Variants in CDH23 observed in about 807,000 individuals in gnomAD.
The protein encoded by CDH23 is cadherin related 23, also known as cadherin-23.
CDH23 carries 189 observed loss-of-function variants against 317.1 expected under a neutral mutation model. The observed-to-expected ratio is 0.60, with a 90% confidence interval of 0.53 to 0.67. CDH23 has a LOEUF of 0.67. CDH23 is among the 30% of genes least tolerant of loss of function. CDH23 has a pLI of 0.00. For synonymous variants in CDH23, 1,839 were observed against 1,876.8 expected, an observed-to-expected ratio of 0.98 and a Z score of 0.52; for missense variants, 4,401 against 4,592.4, an observed-to-expected ratio of 0.96 and a Z score of 1.20.
At chr10:71,488,777 C>T (rs1001352988) in intron 3 of CDH23, among the ~76,000 whole-genome samples, 7 of 152,220 alleles carry the variant, frequency 4.6e-5, no homozygotes, top group Non-Finnish European at 1.0e-4. Context: ...CTACTTATCC[C>T]TAGTGGCATT....
chr10:71,439,480 AGC>A (rs1240955618), intron 1 of CDH23, among the ~76,000 whole-genome samples: 1 of 152,090 alleles, frequency 6.6e-6, no homozygotes, highest in African/African-American at 2.4e-5. Flanking sequence ...TGAAGGCAGC[AGC>A]CCCTGCCTCC....
At chr10:71,580,459 C>G (rs1390273030) in intron 9 of CDH23, among the ~76,000 whole-genome samples, 1 of 152,218 alleles carries the variant, frequency 6.6e-6, no homozygotes, top group Non-Finnish European at 1.5e-5. Flanking sequence ...CCACTGCCAG[C>G]ACAGATGTGT....
At chr10:71,488,804 T>C (rs1852491286) in intron 3 of CDH23, among the ~76,000 whole-genome samples, 5 of 152,244 alleles carry the variant, frequency 3.3e-5, no homozygotes, top group African/African-American at 1.2e-4. Flanking sequence ...TTAAATAGCC[T>C]GAACATGTCT....
At chr10:71,507,778 G>A (rs969983942) in intron 3 of CDH23, among the ~76,000 whole-genome samples, 1 of 152,174 alleles carries the variant, frequency 6.6e-6, no homozygotes, top group Non-Finnish European at 1.5e-5. Flanking sequence ...TTGTCACCGG[G>A]CAATGCAAAC....
intron 1 of CDH23, among the ~76,000 whole-genome samples, chr10:71,401,816 G>A (rs968551021): frequency 6.6e-6 from 1 of 152,164 alleles, no homozygotes; most frequent in Admixed American, 6.5e-5. Context: ...CATTTCTAAT[G>A]CTTGATCTGA....
At chr10:71,525,408 A>G (rs4747160) in intron 6 of CDH23, among the ~76,000 whole-genome samples, 89,382 of 152,072 alleles carry the variant, frequency 0.59, 26,353 homozygotes, top group East Asian at 0.73. Context: ...CCCAGGCTCT[A>G]CCTGCCTTGC....
intron 14 of CDH23, among the ~76,000 whole-genome samples, chr10:71,655,685 C>T (rs1458693470): frequency 6.6e-6 from 1 of 152,042 alleles, no homozygotes; most frequent in East Asian, 1.9e-4. Context: ...ATGGTGTATG[C>T]AACACAAAGT....
chr10:71,541,022 G>A (rs1855959231), intron 6 of CDH23, among the ~76,000 whole-genome samples: 1 of 151,926 alleles, frequency 6.6e-6, no homozygotes, highest in African/African-American at 2.4e-5. Context: ...TAAGGAGAGG[G>A]CCCCAGATCT....
At chr10:71,455,958 C>T (rs1850675381) in intron 3 of CDH23, among the ~76,000 whole-genome samples, 1 of 152,124 alleles carries the variant, frequency 6.6e-6, no homozygotes, top group African/African-American at 2.4e-5. Flanking sequence ...CTTCGCACAC[C>T]AGCTGCAGAG....
At chr10:71,441,009 A>AT (rs1849850331) in intron 2 of CDH23, among the ~76,000 whole-genome samples, 1 of 151,900 alleles carries the variant, frequency 6.6e-6, no homozygotes, top group Non-Finnish European at 1.5e-5. Context: ...GTTTGAAGGG[A>AT]TCCCTACTGG....
intron 6 of CDH23, among the ~76,000 whole-genome samples, chr10:71,553,160 G>C (rs943407309): frequency 1.3e-5 from 2 of 152,184 alleles, no homozygotes; most frequent in African/African-American, 4.8e-5. Flanking sequence ...GCAGCCAGGG[G>C]TGTGAACCAT....
intron 3 of CDH23, among the ~76,000 whole-genome samples, chr10:71,458,017 GC>G (rs1850782584): frequency 6.6e-6 from 1 of 152,216 alleles, no homozygotes; most frequent in Non-Finnish European, 1.5e-5. Flanking sequence ...TGAGCTTGCA[GC>G]CAACCGAGAA....
chr10:71,812,039 C>G, intron 66 of CDH23, 24 bp downstream of exon 66: 1 of 1,613,962 alleles, frequency 6.2e-7, no homozygotes, highest in Non-Finnish European at 8.5e-7. Flanking sequence ...TGGCCCTGCC[C>G]GGTCCCCTGC....
intron 3 of CDH23, among the ~76,000 whole-genome samples, chr10:71,453,497 G>A (rs1350746352): frequency 6.6e-6 from 1 of 152,238 alleles, no homozygotes; most frequent in African/African-American, 2.4e-5. Flanking sequence ...CAGGAGTGAC[G>A]AGCATAGATG....
At position 71,532,743 on chromosome 10, in the gene CDH23, T is replaced by G. The variant is rs1480190229; in HGVS notation, c.429+21531T>G. On this transcript the variant is annotated intron_variant, in intron 6 of 69. Transcript: ENST00000224721. ...TTTTTTTTTGTTTTTTTTTTTTTTT[T>G]TTTTGAGACGGAGTATCACTCTGTC... Among the ~76,000 whole-genome samples, 201 of 133,880 alleles carry G rather than the reference T, an allele frequency of 1.5e-3. 3 individuals are homozygous for G. The East Asian group carries it at 0.031, about 20-fold the overall frequency. 87.8% of individuals were successfully genotyped at this position (133,880 alleles called of 152,430 possible).
intron 29 of CDH23, 33 bp downstream of exon 29, chr10:71,724,138 C>T (rs1280903807): frequency 2.1e-5 from 33 of 1,550,214 alleles, no homozygotes; most frequent in Non-Finnish European, 2.7e-5. Flanking sequence ...GGGGGGCGGT[C>T]CTCCTGCCCA....
At chr10:71,736,939 G>A (rs1477678161) in intron 34 of CDH23, among the ~76,000 whole-genome samples, 1 of 152,182 alleles carries the variant, frequency 6.6e-6, no homozygotes, top group Non-Finnish European at 1.5e-5. Context: ...CAGAATGCAT[G>A]AGAGTTAACC....
chr10:71,581,447 C>T (rs1289387421), intron 9 of CDH23, among the ~76,000 whole-genome samples: 8 of 152,310 alleles, frequency 5.3e-5, no homozygotes, highest in African/African-American at 1.7e-4. Flanking sequence ...ACAATGGATC[C>T]GTGGCCCACA....
At chr10:71,711,117 C>T (rs1426624367) in intron 27 of CDH23, among the ~76,000 whole-genome samples, 1 of 152,152 alleles carries the variant, frequency 6.6e-6, no homozygotes, top group Non-Finnish European at 1.5e-5. Flanking sequence ...CTCTGCCCTG[C>T]TCTCCTCCCC....
Sources: allele counts gnomAD v4.1 joint callset (sites outside exome capture counted in the v4.1 genomes callset), GRCh38; gene constraint gnomAD v4.1.1; transcripts MANE v1.5; gene names NCBI Gene and HGNC (gene_info 2026-07-23, HGNC 2026-07-21).